The following KLHDC4 variants were observed in gnomAD, a reference collection of about 807,000 sequenced individuals.
The protein encoded by KLHDC4 is kelch domain-containing protein 4.
KLHDC4 carries 90 observed loss-of-function variants against 62.4 expected under a neutral mutation model. The ratio of observed to expected loss-of-function variants is 1.44; its 90% CI spans 1.22 to 1.72. KLHDC4 has a LOEUF of 1.72. Ranked by LOEUF, KLHDC4 falls within the 40% of genes most tolerant of loss-of-function variation. The probability of loss-of-function intolerance (pLI) is 0.00; values close to 1 mark genes in which losing one functional copy is unlikely to be tolerated. For missense variants in KLHDC4, 1,025 were observed against 699.7 expected, an observed-to-expected ratio of 1.47 and a Z score of -5.25; for synonymous variants, 386 against 284.4, an observed-to-expected ratio of 1.36 and a Z score of -3.59.
Position 87,702,143 on chromosome 16 carries a change from G to A in KLHDC4, c.372C>T (p.Pro124=), listed in dbSNP as rs563589318. Reference sequence around the variant, plus strand: ...CGCATGATCGTGTGTGGAACAGACCGGGAGATTCCAGCAGATATGGGTTCA... The same window carrying A: ...CGCATGATCGTGTGTGGAACAGACCAGGAGATTCCAGCAGATATGGGTTCA... The change falls in exon 1 of 1, where the codon CCC becomes CCT. Residue 124 remains proline, a synonymous_variant. Coordinates refer to the KLHDC4 transcript ENST00000446344. 12 of 456,150 alleles carry A rather than the reference G, an allele frequency of 2.6e-5. 1 individual carries two copies. In the East Asian group the frequency reaches 3.5e-4, roughly 13 times the overall value. The allele number at this position is 456,150 out of a possible 1,614,324, so 28.3% of individuals were successfully genotyped here. A position where few individuals can be genotyped will look rare whatever the true frequency, so the allele number is the denominator to read the frequency against.
Position 87,749,749 on chromosome 16 carries a change from G to A in KLHDC4, c.370-940C>T, listed in dbSNP as rs560240650. 5.9e-5 allele frequency among the ~76,000 whole-genome samples: 9 copies of A among 152,116 alleles called. No individual in the cohort carries two copies. The East Asian group carries it at 1.7e-3, about 29-fold the overall frequency. On this transcript the variant is annotated intron_variant, in intron 4 of 11. Transcript: ENST00000270583. ...CAGGCATGTGACATCATGCCCAGCTGTTTAATTTTTTGCAGCAATGGCGTC... is the reference window on the plus strand; with the variant it reads ...CAGGCATGTGACATCATGCCCAGCTATTTAATTTTTTGCAGCAATGGCGTC...
chr16:87,765,944 C>T lies in KLHDC4; in HGVS notation c.-54G>A. ...ACCAGGAAAGAAAACGGCCCGCGCT[C>T]TCCGCTCGGAAACAGGTGCTCGTGG... On this transcript the variant is annotated 5_prime_UTR_variant, in exon 1 of 12. Transcript: ENST00000270583. 1.3e-6 allele frequency: 2 copies of T among 1,516,160 alleles called. No individual in the cohort carries two copies. The highest frequency in any genetic ancestry group is 1.8e-6 in the Non-Finnish European group (2 of 1,119,142). The allele number at this position is 1,516,160 out of a possible 1,614,324, so 93.9% of individuals were successfully genotyped here.
intron 9 of KLHDC4, chr16:87,710,668 C>T (rs2035619638): frequency 6.5e-6 from 1 of 152,926 alleles, no homozygotes; most frequent in African/African-American, 2.4e-5. Flanking sequence ...TTTCCAATTT[C>T]CAGCCCAGGT....
intron 1 of KLHDC4, 26 bp from the exon 2 acceptor site, chr16:87,762,066 G>A (rs768255133): frequency 1.2e-6 from 2 of 1,610,614 alleles, no homozygotes; most frequent in Non-Finnish European, 1.7e-6. Flanking sequence ...AGGCACACGT[G>A]AGACTTATTC....
intron 5 of KLHDC4, among the ~76,000 whole-genome samples, chr16:87,733,539 T>C (rs1482812593): frequency 6.6e-6 from 1 of 152,082 alleles, no homozygotes; most frequent in Non-Finnish European, 1.5e-5. Flanking sequence ...GGAGGGTTGC[T>C]GGGCACAGTC....
chr16:87,764,609 T>C (rs62055620), intron 1 of KLHDC4, among the ~76,000 whole-genome samples: 10,780 of 126,776 alleles, frequency 0.085, 562 homozygotes, highest in Non-Finnish European at 0.11. Context: ...GATCGCACCA[T>C]TGCACTCCAC....
intron 5 of KLHDC4, chr16:87,730,889 TA>T (rs1456191614): frequency 7.8e-6 from 3 of 383,492 alleles, no homozygotes; most frequent in Non-Finnish European, 1.4e-5. Context: ...TTGGACTGCA[TA>T]AAGATTTCCT....
intron 4 of KLHDC4, among the ~76,000 whole-genome samples, chr16:87,754,123 G>A (rs935876556): frequency 6.6e-6 from 1 of 152,068 alleles, no homozygotes; most frequent in African/African-American, 2.4e-5. Flanking sequence ...CTGGGAGACA[G>A]AGCAAGACTC....
chr16:87,725,583 C>T (rs915601394), intron 7 of KLHDC4, among the ~76,000 whole-genome samples: 3 of 152,056 alleles, frequency 2.0e-5, no homozygotes, highest in Admixed American at 2.0e-4. Flanking sequence ...TTTTTTAAAC[C>T]CCTACAGTGA....
At chr16:87,765,068 G>A (rs1376101348) in intron 1 of KLHDC4, 2 of 454,798 alleles carry the variant, frequency 4.4e-6, no homozygotes, top group Non-Finnish European at 8.8e-6. Flanking sequence ...GAACTGACCT[G>A]CTCGTGAGGA....
At chr16:87,714,353 C>A (rs377555025) in intron 8 of KLHDC4, 145 bp downstream of exon 8, 2 of 990,152 alleles carry the variant, frequency 2.0e-6, no homozygotes, top group East Asian at 6.0e-5. Context: ...CGGCCCACCC[C>A]GAAATGAGCC....
intron 7 of KLHDC4, among the ~76,000 whole-genome samples, chr16:87,724,414 CG>C (rs1156990091): frequency 6.6e-6 from 1 of 152,168 alleles, no homozygotes; most frequent in Non-Finnish European, 1.5e-5. Context: ...ACAAACACTT[CG>C]GAAGGTGACC....
chr16:87,701,469 A>G, exon 1 of KLHDC4: 1 of 349,748 alleles, frequency 2.9e-6, no homozygotes, highest in Non-Finnish European at 5.7e-6. Flanking sequence ...ATGCGGCCAC[A>G]GCGTTCATGC....
chr16:87,715,322 G>C (rs368302252), intron 7 of KLHDC4, among the ~76,000 whole-genome samples: 1 of 152,082 alleles, frequency 6.6e-6, no homozygotes. Context: ...CGATAGTACC[G>C]AGAGCTCTCA....
chr16:87,711,756 C>T (rs998092364), intron 8 of KLHDC4, among the ~76,000 whole-genome samples: 1 of 152,242 alleles, frequency 6.6e-6, no homozygotes. Context: ...GCTAGACACA[C>T]AGAGGGGCTT....
chr16:87,717,431 C>G (rs1567682002), intron 7 of KLHDC4, among the ~76,000 whole-genome samples: 2 of 152,162 alleles, frequency 1.3e-5, no homozygotes. Context: ...ATCCACTGTC[C>G]ACAGAGACTT....
At chr16:87,712,969 G>C (rs1295645368) in intron 8 of KLHDC4, among the ~76,000 whole-genome samples, 2 of 152,232 alleles carry the variant, frequency 1.3e-5, no homozygotes, top group Admixed American at 1.3e-4. Flanking sequence ...AAACACCCTT[G>C]ATCTGTGCCT....
At chr16:87,764,953 G>A in intron 1 of KLHDC4, 1 of 361,362 alleles carries the variant, frequency 2.8e-6, no homozygotes, top group Non-Finnish European at 5.5e-6. Flanking sequence ...ACAAAGGACT[G>A]TGGTCAAGAG....
intron 8 of KLHDC4, 194 bp downstream of exon 8, chr16:87,714,304 T>C (rs554450383): frequency 4.1e-4 from 345 of 834,626 alleles, no homozygotes; most frequent in Non-Finnish European, 4.6e-4. Context: ...CCAAAGGTGA[T>C]TGCCCAGCAG....
Sources: gnomAD v4.1 joint callset for allele counts (sites outside exome capture counted in the v4.1 genomes callset) on GRCh38, gnomAD v4.1.1 for gene constraint, MANE v1.5 for transcripts, NCBI Gene and HGNC (gene_info 2026-07-23, HGNC 2026-07-21) for gene names.